The following EXOC6B variants were observed in gnomAD, a reference collection of about 807,000 sequenced individuals.
EXOC6B encodes the protein exocyst complex component 6B, also known as SEC15 homolog B.
EXOC6B carries 54 observed loss-of-function variants against 113.5 expected under a neutral mutation model. The ratio of observed to expected loss-of-function variants is 0.48; its 90% CI spans 0.38 to 0.60. The LOEUF (loss-of-function observed/expected upper bound fraction) is 0.60. Ranked by LOEUF, EXOC6B falls within the 20% of genes least tolerant of loss-of-function variation. The pLI is 0.00. For missense variants in EXOC6B, 797 were observed against 977.5 expected, an observed-to-expected ratio of 0.82 and a Z score of 2.46; for synonymous variants, 357 against 339.0, an observed-to-expected ratio of 1.05 and a Z score of -0.58.
intron 6 of EXOC6B, among the ~76,000 whole-genome samples, chr2:72,644,245 GA>G (rs902407665): frequency 6.6e-6 from 1 of 152,124 alleles, no homozygotes; most frequent in Admixed American, 6.5e-5. Context: ...TAAGTTTAGA[GA>G]AAAAACAGCA....
At chr2:72,496,608 G>A in intron 13 of EXOC6B, 49 bp from the exon 14 acceptor site, 1 of 1,170,062 alleles carries the variant, frequency 8.5e-7, no homozygotes, top group Non-Finnish European at 1.3e-6. Flanking sequence ...GACAAAGTGG[G>A]GGGGTAGGGG....
In EXOC6B at chr2:72,696,946, AT is replaced by A. The variant is rs534205567; in HGVS notation, c.669+21156del. Among the ~76,000 whole-genome samples, 18 of 152,336 alleles carry A rather than the reference AT, an allele frequency of 1.2e-4. No homozygotes were observed. The South Asian group carries it at 3.7e-3, about 32-fold the overall frequency. ...ATTATGTGGTAAATATAATGATCAG[AT>A]ATGACAGAAAAGAACATACAAAATT... On this transcript the variant is annotated intron_variant, in intron 6 of 21. Coordinates refer to ENST00000272427, the MANE Select transcript of EXOC6B (RefSeq NM_015189.3).
At chr2:72,354,967 T>C (rs1410807198) in intron 19 of EXOC6B, among the ~76,000 whole-genome samples, 1 of 152,074 alleles carries the variant, frequency 6.6e-6, no homozygotes. Context: ...AAAGAACTGG[T>C]AAGGGCCTGG....
chr2:72,804,993 G>A (rs567075867), intron 1 of EXOC6B, among the ~76,000 whole-genome samples: 1 of 152,278 alleles, frequency 6.6e-6, no homozygotes, highest in African/African-American at 2.4e-5. Flanking sequence ...AGAATCAAGA[G>A]AATTTCAAAG....
At chr2:72,782,405 A>G (rs568917954) in intron 1 of EXOC6B, among the ~76,000 whole-genome samples, 2 of 152,214 alleles carry the variant, frequency 1.3e-5, no homozygotes, top group East Asian at 3.9e-4. Flanking sequence ...TTTTATTGAT[A>G]CAAAATTTAT....
At chr2:72,498,923 T>C (rs1283896849) in intron 12 of EXOC6B, among the ~76,000 whole-genome samples, 4 of 152,182 alleles carry the variant, frequency 2.6e-5, no homozygotes, top group Non-Finnish European at 5.9e-5. Flanking sequence ...CCACTTCTAA[T>C]GCTATTCTAT....
At chr2:72,442,696 T>A (rs112954969) in intron 18 of EXOC6B, among the ~76,000 whole-genome samples, 4,200 of 152,086 alleles carry the variant, frequency 0.028, 180 homozygotes, top group African/African-American at 0.096. Context: ...AGGTAAAAGA[T>A]CTCTGCAAGG....
chr2:72,650,605 AAGAAAAGAAAAAAAAAAGAAAAGAAAAG>A (rs1674089952), intron 6 of EXOC6B, among the ~76,000 whole-genome samples: 2 of 36,270 alleles, frequency 5.5e-5, no homozygotes, highest in Middle Eastern at 0.022. Context: ...AAGAAAGGAA[AAGAAAAGAAAAAAAAAAGAAAAGAAAAG>A]AGAAAAGAAA....
chr2:72,718,884 T>A (rs552495784), intron 5 of EXOC6B, among the ~76,000 whole-genome samples: 1 of 152,012 alleles, frequency 6.6e-6, no homozygotes, highest in South Asian at 2.1e-4. Context: ...AATGATTGTC[T>A]CAATGCCAAA....
chr2:72,763,428 CTTT>C (rs869206848), intron 1 of EXOC6B, among the ~76,000 whole-genome samples: 2 of 141,242 alleles, frequency 1.4e-5, no homozygotes, highest in Non-Finnish European at 3.1e-5. Context: ...CGTGTTTTTT[CTTT>C]TTTTTTTTTT....
At chr2:72,502,331 T>C (rs1407416324) in intron 11 of EXOC6B, among the ~76,000 whole-genome samples, 1 of 152,196 alleles carries the variant, frequency 6.6e-6, no homozygotes, top group East Asian at 1.9e-4. Flanking sequence ...GCAGATCACC[T>C]GAGGTCAGAA....
In EXOC6B at chr2:72,338,966, C is replaced by CACATACACATACACATACACATAT. The variant is rs1296689505; in HGVS notation, c.2123-3947_2123-3946insATATGTGTATGTGTATGTGTATGT. Among the ~76,000 whole-genome samples the CACATACACATACACATACACATAT allele has an allele frequency of 7.3e-5, 11 of 151,242 alleles. 1 individual carries two copies. The highest frequency in any genetic ancestry group is 3.6e-3 in the Middle Eastern group (1 of 280). Reference sequence around the variant, plus strand: ...ACACATACACATACACATACACATACATACACATACACATACACATTATGT... The same window carrying CACATACACATACACATACACATAT: ...ACACATACACATACACATACACATACACATACACATACACATACACATATATACACATACACATACACATTATGT... On this transcript the variant is annotated intron_variant, in intron 19 of 21. Transcript: ENST00000272427.
At chr2:72,554,918 CT>C (rs1703450328) in intron 8 of EXOC6B, among the ~76,000 whole-genome samples, 1 of 152,102 alleles carries the variant, frequency 6.6e-6, no homozygotes, top group African/African-American at 2.4e-5. Context: ...CCCCCAACCC[CT>C]GACAGGCCCC....
At chr2:72,229,162 G>A (rs921263835) in intron 20 of EXOC6B, among the ~76,000 whole-genome samples, 12 of 151,996 alleles carry the variant, frequency 7.9e-5, no homozygotes, top group Middle Eastern at 3.2e-3. Flanking sequence ...AGGTTTCTTA[G>A]TATGAGTGAC....
chr2:72,297,321 T>C (rs12468057), intron 20 of EXOC6B, among the ~76,000 whole-genome samples: 53,122 of 151,888 alleles, frequency 0.35, 14,712 homozygotes, highest in African/African-American at 0.77. Context: ...CAAAACTCAA[T>C]AGTTGTTTTT....
intron 6 of EXOC6B, among the ~76,000 whole-genome samples, chr2:72,652,436 T>C (rs2104407971): frequency 6.6e-6 from 1 of 152,250 alleles, no homozygotes; most frequent in African/African-American, 2.4e-5. Flanking sequence ...CTGCTGATTA[T>C]ATAGGATACA....
chr2:72,635,398 A>G (rs1410210682), intron 6 of EXOC6B, among the ~76,000 whole-genome samples: 1 of 152,180 alleles, frequency 6.6e-6, no homozygotes, highest in East Asian at 1.9e-4. Flanking sequence ...GCAGACATGA[A>G]AGGAATAATA....
At chr2:72,403,518 CT>C (rs892225325) in intron 18 of EXOC6B, among the ~76,000 whole-genome samples, 2 of 151,986 alleles carry the variant, frequency 1.3e-5, no homozygotes, top group African/African-American at 4.8e-5. Context: ...GAGACCTCAT[CT>C]CTACAAAAAT....
chr2:72,267,612 G>T (rs909120708), intron 20 of EXOC6B, among the ~76,000 whole-genome samples: 1 of 152,192 alleles, frequency 6.6e-6, no homozygotes, highest in Non-Finnish European at 1.5e-5. Context: ...AAGCCCACTT[G>T]ATCATGGTAG....
Sources: allele counts gnomAD v4.1 joint callset (sites outside exome capture counted in the v4.1 genomes callset), GRCh38; gene constraint gnomAD v4.1.1; transcripts MANE v1.5; gene names NCBI Gene and HGNC (gene_info 2026-07-23, HGNC 2026-07-21).